The following CPSF2 variants were observed in gnomAD, a reference collection of about 807,000 sequenced individuals.
CPSF2 encodes cleavage and polyadenylation specific factor 2.
In CPSF2, 51 loss-of-function variants were observed where a neutral mutation model predicts 84.2. That is an observed-to-expected ratio of 0.61 (90% CI 0.48 to 0.77). The LOEUF (loss-of-function observed/expected upper bound fraction) is 0.77, where lower values mean the gene tolerates loss of function less well. Ranked by LOEUF, CPSF2 falls within the 30% of genes least tolerant of loss-of-function variation. The probability of loss-of-function intolerance (pLI) is 0.00; values close to 1 mark genes in which losing one functional copy is unlikely to be tolerated. For missense variants in CPSF2, 641 were observed against 929.4 expected, an observed-to-expected ratio of 0.69 and a Z score of 4.03; for synonymous variants, 286 against 311.9, an observed-to-expected ratio of 0.92 and a Z score of 0.87.
chr14:92,139,691 A>C (rs1057154689), intron 7 of CPSF2, among the ~76,000 whole-genome samples: 1 of 151,072 alleles, frequency 6.6e-6, no homozygotes, highest in African/African-American at 2.4e-5. Flanking sequence ...GGCATGCGCC[A>C]CCATGCCCAG....
At chr14:92,141,917 A>G (rs2069083610) in intron 7 of CPSF2, among the ~76,000 whole-genome samples, 1 of 152,192 alleles carries the variant, frequency 6.6e-6, no homozygotes, top group Admixed American at 6.5e-5. Context: ...GTTGAGGACT[A>G]CTGATTTATA....
chr14:92,156,454 T>C (rs759132356), intron 11 of CPSF2, 25 bp from the exon 12 acceptor site: 3 of 1,597,006 alleles, frequency 1.9e-6, no homozygotes, highest in African/African-American at 1.4e-5. Flanking sequence ...TTTTTACTGC[T>C]TCTAATTAGA....
intron 9 of CPSF2, among the ~76,000 whole-genome samples, chr14:92,149,255 C>T (rs558074832): frequency 3.1e-4 from 47 of 152,026 alleles, no homozygotes; most frequent in East Asian, 5.8e-4. Context: ...CGTACATACA[C>T]GTCATTAAAA....
chr14:92,134,649 C>CGA (rs1259569618), intron 5 of CPSF2, among the ~76,000 whole-genome samples: 1 of 152,188 alleles, frequency 6.6e-6, no homozygotes, highest in Non-Finnish European at 1.5e-5. Flanking sequence ...TCCTCTTCCT[C>CGA]AGAGCTTACA....
At chr14:92,160,713 T>C (rs2069360814) in intron 14 of CPSF2, among the ~76,000 whole-genome samples, 1 of 152,174 alleles carries the variant, frequency 6.6e-6, no homozygotes, top group African/African-American at 2.4e-5. Flanking sequence ...GAAAATGGGA[T>C]TGGGGAGGAA....
chr14:92,131,229 A>C, intron 3 of CPSF2, 96 bp downstream of exon 3: 1 of 953,670 alleles, frequency 1.0e-6, no homozygotes. Flanking sequence ...GCCTTTTTAC[A>C]CTAGTTTATA....
intron 4 of CPSF2, 25 bp from the exon 5 acceptor site, chr14:92,134,225 A>G: frequency 1.2e-6 from 2 of 1,611,126 alleles, no homozygotes; most frequent in Non-Finnish European, 1.7e-6. Flanking sequence ...ATTGTTTTTC[A>G]CCTTTATTTG....
rs758309730 is a variant in CPSF2, at chr14:92,159,233, G to T, written c.2072G>T (p.Gly691Val). 28 of 1,612,318 alleles carry T rather than the reference G, an allele frequency of 1.7e-5. No homozygotes were observed. In the South Asian group the frequency reaches 2.3e-4, roughly 13 times the overall value. ...TTCGGAGATGATGAAAAAGAAACAG[G>T]TGAAGAAAGTGAGATCATTCCTACT... is the stretch of plus-strand genomic sequence containing the variant. ...SLFGDDEKET[G>V]EESEIIPTLE... Residue 691 changes from glycine (G) to valine (V), a missense_variant, in exon 14 of 16, where the codon GGT (glycine) becomes GTT (valine). Physicochemically the swap from Gly to Val is moderately radical, Grantham distance 109 (BLOSUM62 -3). Around this residue, in one of 2 missense-constraint regions of CPSF2, gnomAD observed 430 missense variants for 553.6 expected, o/e 0.78. Transcript: ENST00000298875.
intron 3 of CPSF2, among the ~76,000 whole-genome samples, chr14:92,133,297 T>C (rs905303545): frequency 1.1e-4 from 16 of 151,626 alleles, no homozygotes; most frequent in African/African-American, 3.6e-4. Flanking sequence ...CACATGCCTG[T>C]AATCCCAGCT....
In CPSF2 at chr14:92,135,439, T is replaced by G; in HGVS notation, c.488T>G (p.Val163Gly). The part of the protein sequence containing the change: ...HMIGGTIWKI[V>G]KDGEEEIVYA... ...ATAGGTGGAACAATATGGAAAATAGTCAAAGATGGAGAAGAAGAAATTGTT... is the reference window on the plus strand; with the variant it reads ...ATAGGTGGAACAATATGGAAAATAGGCAAAGATGGAGAAGAAGAAATTGTT... Residue 163 changes from valine to glycine, a missense_variant, in exon 6 of 16, where the codon GTC becomes GGC. Coordinates refer to ENST00000298875, the MANE Select transcript of CPSF2 (RefSeq NM_017437.3). 1.2e-6 allele frequency: 2 copies of G among 1,613,526 alleles called. No individual in the cohort carries two copies. The highest frequency in any genetic ancestry group is 1.7e-6 in the Non-Finnish European group (2 of 1,179,696).
In CPSF2 at chr14:92,143,444, T is replaced by TAC; in HGVS notation, c.1140+150_1140+151insAC. ...GAGAGCCAGGAGTGGTGGTGTGTGC[T>TAC]GTAGTGCCAGCTACTCGGGAGGCTG... On this transcript the variant is annotated intron_variant, in intron 9 of 15. Transcript: ENST00000298875. 4.6e-6 allele frequency: 3 copies of TAC among 646,746 alleles called. No individual in the cohort carries two copies. In the East Asian group the frequency reaches 8.5e-5, roughly 18 times the overall value. The allele number at this position is 646,746 out of a possible 1,614,324, so 40.1% of individuals were successfully genotyped here.
chr14:92,134,840 T>C (rs2068978501), intron 5 of CPSF2, among the ~76,000 whole-genome samples: 3 of 152,194 alleles, frequency 2.0e-5, no homozygotes, highest in Admixed American at 6.5e-5. Flanking sequence ...GTATTAGATA[T>C]TTTCATAGAT....
rs2068777173 is a variant in CPSF2, at chr14:92,122,136, A to G, written c.-94+8A>G. ...TGGGGGAGGCCTGACGAGGCAAGTG[A>G]GGGCGGGAGAAAGGAGCGAGCCTCG... is the stretch of plus-strand genomic sequence containing the variant. On this transcript the variant is annotated splice_region_variant and intron_variant, in intron 1 of 15. Transcript: ENST00000298875. 2.7e-6 allele frequency: 1 copy of G among 373,600 alleles called. No individual in the cohort carries two copies. 23.1% of individuals were successfully genotyped at this position (373,600 alleles called of 1,614,324 possible). A position where few individuals can be genotyped will look rare whatever the true frequency, so the allele number is the denominator to read the frequency against.
rs1275720877 is a variant in CPSF2 at position 92,157,049 on chromosome 14, T to G, written c.1595+418T>G. 6.6e-6 allele frequency among the ~76,000 whole-genome samples: 1 copy of G among 152,236 alleles called. No individual in the cohort carries two copies. Among genetic ancestry groups the G allele is most frequent in the East Asian group, 1.9e-4 (1 of 5,204 alleles). ...CCCTAATGTCTGGAAAATACTGTTG[T>G]GATCTGAAGTAGTTAGAAACCTTTT... On this transcript the variant is annotated intron_variant, in intron 12 of 15. Transcript: ENST00000298875. This position sits in a 1 kb window ranked among gnomAD's most constrained non-coding sequence, Gnocchi z 4.0.
At chr14:92,127,672 C>A (rs1486456631) in intron 2 of CPSF2, among the ~76,000 whole-genome samples, 2 of 152,112 alleles carry the variant, frequency 1.3e-5, no homozygotes, top group African/African-American at 2.4e-5. Flanking sequence ...GGGAATGGTA[C>A]ATCAGTGATA....
intron 3 of CPSF2, among the ~76,000 whole-genome samples, chr14:92,133,076 C>T (rs148798738): frequency 0.013 from 1,852 of 144,274 alleles, 41 homozygotes; most frequent in African/African-American, 0.045. Flanking sequence ...GGCAACAGAG[C>T]GAGACTACAT....
intron 8 of CPSF2, 46 bp from the exon 9 acceptor site, chr14:92,142,958 T>C (rs1410695822): frequency 6.9e-7 from 1 of 1,449,142 alleles, no homozygotes; most frequent in East Asian, 2.3e-5. Flanking sequence ...ATATTGAAGT[T>C]ATAATATAGT....
chr14:92,144,722 C>G (rs113916656), intron 9 of CPSF2, among the ~76,000 whole-genome samples: 3 of 152,178 alleles, frequency 2.0e-5, no homozygotes, highest in Non-Finnish European at 4.4e-5. Context: ...TTTTCACATT[C>G]ATAACTTCAC....
At position 92,154,167 on chromosome 14, in the gene CPSF2, C is replaced by T. The variant is rs148338473; in HGVS notation, c.1141-191C>T. 6.8e-4 allele frequency: 298 copies of T among 436,620 alleles called. 2 individuals carry two copies. Among genetic ancestry groups the T allele is most frequent in the African/African-American group, 5.4e-3 (270 of 50,194 alleles). 27.0% of individuals were successfully genotyped at this position (436,620 alleles called of 1,614,324 possible). On this transcript the variant is annotated intron_variant, in intron 9 of 15. Transcript: ENST00000298875. ...TAAACCCATTCTAGATGATGTGTGA[C>T]AGCTCAATTTTAATACTAATCTAAA...
Sources: allele counts gnomAD v4.1 joint callset (sites outside exome capture counted in the v4.1 genomes callset), GRCh38; gene constraint gnomAD v4.1.1; regional missense constraint gnomAD v4.1.1; non-coding constraint Gnocchi (gnomAD v3.1); transcripts MANE v1.5; gene names NCBI Gene and HGNC (gene_info 2026-07-23, HGNC 2026-07-21).